The following KIR3DL1 variants were observed in gnomAD, a reference collection of about 807,000 sequenced individuals.
KIR3DL1 encodes killer cell immunoglobulin like receptor, three Ig domains and long cytoplasmic tail 1.
Under a neutral mutation model 40.3 loss-of-function variants are expected in KIR3DL1, and 50 were observed. That is an observed-to-expected ratio of 1.24 (90% confidence interval 0.99 to 1.57). The LOEUF is 1.57. Ranked by LOEUF, KIR3DL1 falls within the 40% of genes most tolerant of loss-of-function variation. KIR3DL1 has a pLI of 0.00. For synonymous variants in KIR3DL1, 257 were observed against 207.2 expected, an observed-to-expected ratio of 1.24 and a Z score of -2.07; for missense variants, 661 against 559.9, an observed-to-expected ratio of 1.18 and a Z score of -1.82.
chr19:54,825,343 C>T lies in KIR3DL1; in HGVS notation c.1000+265C>T, dbSNP rs1047703690. Among the ~76,000 whole-genome samples, 33 of 150,784 alleles carry T rather than the reference C, an allele frequency of 2.2e-4. 1 individual carries two copies. The highest frequency in any genetic ancestry group is 3.4e-4 in the Non-Finnish European group (23 of 67,918). On this transcript the variant is annotated intron_variant, in intron 6 of 8. Transcript: ENST00000391728. ...TCTGACATCCTTCTCAGGAAACATG[C>T]AGTGTTTTTTCTTCCTGCATTCCTA... is the stretch of plus-strand genomic sequence containing the variant.
In KIR3DL1 at chr19:54,824,696, A is replaced by G. The variant is rs1047759122; in HGVS notation, c.950-332A>G. ...ATCACACACACACACAAAAAAAGCC[A>G]TTGGATGTAAATGCATGGATTATAT... On this transcript the variant is annotated intron_variant, in intron 5 of 8. Coordinates refer to ENST00000391728, the Ensembl canonical transcript of KIR3DL1. Among the ~76,000 whole-genome samples the G allele has an allele frequency of 3.5e-3, 533 of 150,938 alleles. 10 individuals carry two copies. The highest frequency in any genetic ancestry group is 5.5e-3 in the Non-Finnish European group (373 of 67,844).
intron 4 of KIR3DL1, among the ~76,000 whole-genome samples, chr19:54,821,174 G>A (rs1019578239): frequency 1.3e-5 from 2 of 149,724 alleles, no homozygotes; most frequent in African/African-American, 2.5e-5. Flanking sequence ...ATAGATAAGT[G>A]ATACATAAAT....
In KIR3DL1 at chr19:54,827,505, C is replaced by T. The variant is rs370195604; in HGVS notation, c.1001-1856C>T. On this transcript the variant is annotated intron_variant, in intron 6 of 8. Coordinates refer to ENST00000391728, the Ensembl canonical transcript of KIR3DL1. ...TGCATCCCTGTAATCCCAGCTCCTG[C>T]TCTGGAGGATGAAGCAGGAGAATGA... 1.0e-4 allele frequency among the ~76,000 whole-genome samples: 15 copies of T among 150,702 alleles called. 2 individuals carry two copies. Among genetic ancestry groups the T allele is most frequent in the East Asian group, 7.7e-4 (4 of 5,166 alleles).
At chr19:54,825,651 G>T (rs1402215307) in intron 6 of KIR3DL1, among the ~76,000 whole-genome samples, 5 of 150,280 alleles carry the variant, frequency 3.3e-5, no homozygotes, top group African/African-American at 7.4e-5. Flanking sequence ...AAGATTCGTG[G>T]GTGAAAACAA....
intron 6 of KIR3DL1, among the ~76,000 whole-genome samples, 168 bp downstream of exon 6, chr19:54,825,246 G>A (rs2295805): frequency 0.16 from 24,225 of 150,382 alleles, 2,882 homozygotes; most frequent in East Asian, 0.46. Context: ...CCACCAAAGG[G>A]CTCAGCGAAG....
At chr19:54,821,215 A>AAAATATAT in intron 4 of KIR3DL1, among the ~76,000 whole-genome samples, 1 of 150,582 alleles carries the variant, frequency 6.6e-6, no homozygotes, top group Admixed American at 6.6e-5. Flanking sequence ...AGATAGACAC[A>AAAATATAT]AAATAGATAA....
chr19:54,818,602 C>G lies in KIR3DL1; in HGVS notation c.355+3C>G. 1 of 1,607,294 alleles carries G rather than the reference C, an allele frequency of 6.2e-7. No individual in the cohort carries two copies. The highest frequency in any genetic ancestry group is 1.7e-5 in the Admixed American group (1 of 59,564). On this transcript the variant is annotated splice_donor_region_variant and intron_variant, in intron 3 of 8. Transcript: ENST00000391728. ...CCCCGTGGTGATCATGGTCACAGGT[C>G]AGAGGCTTTCCGTCTGGGCTTCTCA...
Position 54,821,963 on chromosome 19 carries a change from C to T in KIR3DL1, c.949+105C>T. On this transcript the variant is annotated intron_variant, in intron 5 of 8. Transcript: ENST00000391728. ...AGCATGGACAGATGCAGAGAGAAGA[C>T]ACAGCAGGTGTGAGGGCGGAGTCAG... The T allele has an allele frequency of 2.9e-6, 4 of 1,373,470 alleles. No homozygotes were observed. In the South Asian group the frequency reaches 3.6e-5, roughly 12 times the overall value. 85.1% of individuals were successfully genotyped at this position (1,373,470 alleles called of 1,614,324 possible). A position where few individuals can be genotyped will look rare whatever the true frequency, so the allele number is the denominator to read the frequency against.
chr19:54,829,082 C>T lies in KIR3DL1; in HGVS notation c.1001-279C>T, dbSNP rs1601437476. On this transcript the variant is annotated intron_variant, in intron 6 of 8. Coordinates refer to ENST00000391728, the Ensembl canonical transcript of KIR3DL1. ...TGGATCCACCTCCATGACCCAAACACCTCCCAAGAGGCCCAACCTCCCACA... is the reference window on the plus strand; with the variant it reads ...TGGATCCACCTCCATGACCCAAACATCTCCCAAGAGGCCCAACCTCCCACA... Among the ~76,000 whole-genome samples, 4 of 144,762 alleles carry T rather than the reference C, an allele frequency of 2.8e-5. No homozygotes were observed. In the South Asian group the frequency reaches 7.2e-4, roughly 26 times the overall value. The allele number at this position is 144,762 out of a possible 152,430, so 95.0% of individuals were successfully genotyped here. A position where few individuals can be genotyped will look rare whatever the true frequency, so the allele number is the denominator to read the frequency against.
Position 54,829,476 on chromosome 19 carries a change from C to G in KIR3DL1, c.1105+11C>G, listed in dbSNP as rs373649611. 1.4e-6 allele frequency: 2 copies of G among 1,456,388 alleles called. No individual in the cohort carries two copies. The highest frequency in any genetic ancestry group is 1.4e-5 in the African/African-American group (1 of 70,568). The allele number at this position is 1,456,388 out of a possible 1,614,324, so 90.2% of individuals were successfully genotyped here. A position where few individuals can be genotyped will look rare whatever the true frequency, so the allele number is the denominator to read the frequency against. ...GCTCCAACAAAAAAAGTAAGTCTCA[C>G]GGGGCACAGGCCAGAGAGCTCAGGG... On this transcript the variant is annotated intron_variant, in intron 7 of 8. Transcript: ENST00000391728.
exon 5 of KIR3DL1, chr19:54,821,730 G>A (rs2061649950): frequency 1.2e-6 from 2 of 1,608,682 alleles, no homozygotes; most frequent in African/African-American, 1.3e-5. Context: ...AAGGTCAACA[G>A]AACATTCCAG....
chr19:54,817,736 C>T (rs1383167859), intron 2 of KIR3DL1, among the ~76,000 whole-genome samples, 167 bp downstream of exon 2: 1 of 145,530 alleles, frequency 6.9e-6, no homozygotes, highest in Non-Finnish European at 1.5e-5. Flanking sequence ...CATTCCCTTT[C>T]CTGAGTCAAG....
At chr19:54,828,756 C>A (rs1373321225) in intron 6 of KIR3DL1, among the ~76,000 whole-genome samples, 8 of 142,160 alleles carry the variant, frequency 5.6e-5, no homozygotes, top group South Asian at 2.5e-4. Flanking sequence ...TCTAAAGGAA[C>A]ACTTGAGCCT....
chr19:54,823,701 AT>A (rs1475396105), intron 5 of KIR3DL1, among the ~76,000 whole-genome samples: 3 of 151,178 alleles, frequency 2.0e-5, no homozygotes, highest in African/African-American at 7.3e-5. Context: ...TTTCTCCATG[AT>A]GGTCAGGCTG....
rs1280187699 is a variant in KIR3DL1, at chr19:54,816,593, G to T, written c.34+59G>T. On this transcript the variant is annotated intron_variant, in intron 1 of 8. Coordinates refer to ENST00000391728, the Ensembl canonical transcript of KIR3DL1. ...CGGGGATGGAGATCTGGACCTGGAG[G>T]TAAAGATATGGGCCTAGAGGTGGAG... is the stretch of plus-strand genomic sequence containing the variant. 4.8e-5 allele frequency: 70 copies of T among 1,450,306 alleles called. No individual in the cohort carries two copies. In the African/African-American group the frequency reaches 8.4e-4, roughly 17 times the overall value. 89.8% of individuals were successfully genotyped at this position (1,450,306 alleles called of 1,614,324 possible). A position where few individuals can be genotyped will look rare whatever the true frequency, so the allele number is the denominator to read the frequency against.
At chr19:54,829,409 T>C in exon 7 of KIR3DL1, 1 of 1,502,078 alleles carries the variant, frequency 6.7e-7, no homozygotes, top group Non-Finnish European at 9.1e-7. Context: ...GTGGTCATCA[T>C]CCTCTTCATC....
Position 54,816,882 on chromosome 19 carries a change from G to A in KIR3DL1, c.34+348G>A, listed in dbSNP as rs2061367921. 1.4e-5 allele frequency among the ~76,000 whole-genome samples: 2 copies of A among 144,374 alleles called. 1 individual carries two copies. Among genetic ancestry groups the A allele is most frequent in the Admixed American group, 1.4e-4 (2 of 14,492 alleles). 94.7% of individuals were successfully genotyped at this position (144,374 alleles called of 152,430 possible). A position where few individuals can be genotyped will look rare whatever the true frequency, so the allele number is the denominator to read the frequency against. On this transcript the variant is annotated intron_variant, in intron 1 of 8. Transcript: ENST00000391728. ...CTAGAAGTGGAGCGATGGGCCTGGA[G>A]TGGAGATATGGGCCTGGAGGTGGAG...
chr19:54,816,815 G>GATGT (rs2061362997), intron 1 of KIR3DL1, among the ~76,000 whole-genome samples: 1 of 130,798 alleles, frequency 7.6e-6, no homozygotes, highest in East Asian at 2.6e-4. Flanking sequence ...GGGAGATATG[G>GATGT]GCCTGGAGGG....
At chr19:54,824,000 G>A (rs189971125) in intron 5 of KIR3DL1, among the ~76,000 whole-genome samples, 3,225 of 150,856 alleles carry the variant, frequency 0.021, 216 homozygotes, top group African/African-American at 0.073. Flanking sequence ...TATTAATCCC[G>A]TCTCAGATGA....
Sources: gnomAD v4.1 joint callset for allele counts (sites outside exome capture counted in the v4.1 genomes callset) on GRCh38, gnomAD v4.1.1 for gene constraint, MANE v1.5 for transcripts, NCBI Gene and HGNC (gene_info 2026-07-23, HGNC 2026-07-21) for gene names.